The following DMD variants were observed in gnomAD, a reference collection of about 807,000 sequenced individuals.
The protein encoded by DMD is dystrophin, also known as mutant dystrophin.
DMD carries 63 observed loss-of-function variants against 330.1 expected under a neutral mutation model. The ratio of observed to expected loss-of-function variants is 0.19; its 90% CI spans 0.16 to 0.24. DMD has a LOEUF of 0.24. Ranked by LOEUF, DMD falls within the 10% of genes least tolerant of loss-of-function variation. DMD has a pLI of 1.00. For missense variants in DMD, 3,344 were observed against 2,684.1 expected, an observed-to-expected ratio of 1.25 and a Z score of -5.43; for synonymous variants, 1,223 against 959.8, an observed-to-expected ratio of 1.27 and a Z score of -5.07.
At chrX:31,454,980 ATCTC>A (rs1383798090) in intron 59 of DMD, among the ~76,000 whole-genome samples, 1 of 64,816 alleles carries the variant, frequency 1.5e-5, no homozygotes, top group Non-Finnish European at 2.8e-5. Context: ...GCGAGATGGG[ATCTC>A]TCTATGTTTT....
chrX:32,009,676 T>C (rs1293893), intron 44 of DMD, among the ~76,000 whole-genome samples: 4,109 of 111,721 alleles, frequency 0.037, 69 homozygotes, highest in Non-Finnish European at 0.058. Context: ...AGAACTTAGT[T>C]TGATACATTT....
chrX:32,436,785 CCACACA>C (rs774197384), intron 29 of DMD, among the ~76,000 whole-genome samples: 1 of 108,457 alleles, frequency 9.2e-6, no homozygotes, highest in African/African-American at 3.4e-5. Context: ...AACAACATTT[CCACACA>C]CACACACACA....
At chrX:33,034,687 T>G (rs927858910) in intron 1 of DMD, among the ~76,000 whole-genome samples, 1 of 112,644 alleles carries the variant, frequency 8.9e-6, no homozygotes, top group East Asian at 2.8e-4. Flanking sequence ...GTTTATTTGT[T>G]TCTGCAGGAT....
intron 7 of DMD, among the ~76,000 whole-genome samples, chrX:32,703,119 A>G (rs1209963231): frequency 9.0e-6 from 1 of 111,446 alleles, no homozygotes; most frequent in Non-Finnish European, 1.9e-5. Flanking sequence ...CTAATTAACA[A>G]TGGTCTCACC....
chrX:32,520,716 T>G (rs1243488675), intron 17 of DMD, among the ~76,000 whole-genome samples: 1 of 111,789 alleles, frequency 8.9e-6, no homozygotes, highest in East Asian at 2.8e-4. Context: ...ACTTCCCTAC[T>G]TTGTTTCCTG....
intron 67 of DMD, among the ~76,000 whole-genome samples, chrX:31,194,490 A>G (rs1046441474): frequency 3.6e-5 from 4 of 112,331 alleles, no homozygotes; most frequent in African/African-American, 1.3e-4. Flanking sequence ...CTTTACTTTT[A>G]AATGGCATAG....
At chrX:32,789,161 A>C (rs971644023) in intron 7 of DMD, among the ~76,000 whole-genome samples, 1 of 112,084 alleles carries the variant, frequency 8.9e-6, no homozygotes, top group African/African-American at 3.2e-5. Flanking sequence ...AGATAAGGCA[A>C]GTTTCTTAAT....
intron 9 of DMD, among the ~76,000 whole-genome samples, chrX:32,691,732 A>G (rs1202508613): frequency 9.0e-6 from 1 of 111,619 alleles, no homozygotes; most frequent in African/African-American, 3.3e-5. Flanking sequence ...CACCATTCAC[A>G]AGAGCCAAGA....
intron 1 of DMD, among the ~76,000 whole-genome samples, chrX:33,130,693 T>G (rs945819256): frequency 2.7e-5 from 3 of 109,965 alleles, no homozygotes; most frequent in African/African-American, 1.0e-4. Flanking sequence ...CAGCTGGGAC[T>G]ACCATGCGCC....
chrX:32,740,612 A>T lies in DMD; in HGVS notation c.650-41319T>A, dbSNP rs181673478. Among the ~76,000 whole-genome samples, 13 of 111,889 alleles carry T rather than the reference A, an allele frequency of 1.2e-4. No homozygotes were observed. The East Asian group carries it at 2.8e-3, about 24-fold the overall frequency. On this transcript the variant is annotated intron_variant, in intron 7 of 78. Transcript: ENST00000357033. ...AGCATTATATAATCATAAAATAGAA[A>T]TGAATATTATAAAAGCATAAAGTTT... is the stretch of plus-strand genomic sequence containing the variant.
intron 19 of DMD, among the ~76,000 whole-genome samples, chrX:32,499,234 C>G (rs1236837975): frequency 1.8e-5 from 2 of 111,609 alleles, no homozygotes; most frequent in Admixed American, 1.9e-4. Context: ...ATTCAGTTTG[C>G]TATGCATATA....
At chrX:31,256,551 T>C (rs931252551) in intron 63 of DMD, among the ~76,000 whole-genome samples, 8 of 102,812 alleles carry the variant, frequency 7.8e-5, no homozygotes, top group Non-Finnish European at 2.0e-5. Flanking sequence ...TTATCTTATA[T>C]TGTTTTTTAT....
intron 60 of DMD, among the ~76,000 whole-genome samples, chrX:31,371,101 T>A (rs2059544578): frequency 9.0e-6 from 1 of 111,556 alleles, no homozygotes; most frequent in Non-Finnish European, 1.9e-5. Flanking sequence ...TTCTGTATAC[T>A]GACAATATTG....
intron 63 of DMD, among the ~76,000 whole-genome samples, chrX:31,230,345 T>C: frequency 8.9e-6 from 1 of 111,966 alleles, no homozygotes; most frequent in Non-Finnish European, 1.9e-5. Flanking sequence ...TTTGTAAAAC[T>C]CTTCTAAGAA....
chrX:33,023,210 C>A (rs192143594), intron 1 of DMD, among the ~76,000 whole-genome samples: 1 of 111,790 alleles, frequency 8.9e-6, no homozygotes, highest in East Asian at 2.8e-4. Context: ...AATATTCTTT[C>A]TTTTTCACTT....
chrX:32,393,922 C>G (rs1206054166), intron 30 of DMD, among the ~76,000 whole-genome samples: 1 of 111,113 alleles, frequency 9.0e-6, no homozygotes, highest in Non-Finnish European at 1.9e-5. Context: ...ACCATTGCAG[C>G]TAGAAGAGAG....
At chrX:32,133,283 G>C (rs2096708437) in intron 44 of DMD, among the ~76,000 whole-genome samples, 1 of 110,400 alleles carries the variant, frequency 9.1e-6, no homozygotes, top group Non-Finnish European at 1.9e-5. Flanking sequence ...TAGGATTACA[G>C]GTGTGAGCCA....
intron 7 of DMD, among the ~76,000 whole-genome samples, chrX:32,740,896 T>C (rs767361438): frequency 5.4e-5 from 6 of 111,723 alleles, no homozygotes; most frequent in Non-Finnish European, 9.4e-5. Context: ...TAAGTAAATA[T>C]ATACTCATGG....
chrX:32,282,958 G>A (rs1219866434), intron 43 of DMD, among the ~76,000 whole-genome samples: 1 of 111,974 alleles, frequency 8.9e-6, no homozygotes, highest in African/African-American at 3.2e-5. Context: ...TGTAGGAAGA[G>A]TCTACTTTCT....
Sources: gnomAD v4.1 joint callset for allele counts (sites outside exome capture counted in the v4.1 genomes callset) on GRCh38, gnomAD v4.1.1 for gene constraint, MANE v1.5 for transcripts, NCBI Gene and HGNC (gene_info 2026-07-23, HGNC 2026-07-21) for gene names.